The following MRPS24 variants were observed in gnomAD, a reference collection of about 807,000 sequenced individuals.
MRPS24 encodes the protein small ribosomal subunit protein uS3m.
MRPS24 carries 15 observed loss-of-function variants against 21.8 expected under a neutral mutation model. The observed-to-expected ratio is 0.69, with a 90% CI of 0.46 to 1.06. The LOEUF is 1.06. MRPS24 is among the 50% of genes least tolerant of loss of function. The probability of loss-of-function intolerance (pLI) is 0.00; values close to 1 mark genes in which losing one functional copy is unlikely to be tolerated. For missense variants in MRPS24, 224 were observed against 219.1 expected, an observed-to-expected ratio of 1.02 and a Z score of -0.14; for synonymous variants, 93 against 93.7, an observed-to-expected ratio of 0.99 and a Z score of 0.04.
intron 3 of MRPS24, chr7:43,867,624 G>A (rs2095837482): frequency 6.8e-6 from 1 of 146,864 alleles, no homozygotes; most frequent in African/African-American, 2.6e-5. Context: ...CCGCCTCTTG[G>A]GTTCAAACAA....
At chr7:43,868,388 A>C (rs1563571777) in intron 3 of MRPS24, 2 of 152,242 alleles carry the variant, frequency 1.3e-5, no homozygotes, top group Admixed American at 6.5e-5. Flanking sequence ...CGGGACATGC[A>C]CCTGGGGTGG....
chr7:43,866,803 A>C lies in MRPS24; in HGVS notation c.400T>G (p.Phe134Val). 1 of 1,614,258 alleles carries C rather than the reference A, an allele frequency of 6.2e-7. No individual in the cohort carries two copies. The highest frequency in any genetic ancestry group is 8.5e-7 in the Non-Finnish European group (1 of 1,180,050). ...AAAGTTTCACTGTAGCCCACGAGGA[A>C]GTAGTACTTGTGTGGAGACAACTGC... ...LRQLSPHKYY[F>V]LVGYSETLLS... Residue 134 changes from phenylalanine (F) to valine (V), a missense_variant, in exon 4 of 4, where the codon TTC (phenylalanine) becomes GTC (valine). By Grantham distance (50) the Phe-to-Val change is conservative. Coordinates refer to ENST00000317534, the MANE Select transcript of MRPS24 (RefSeq NM_032014.3).
chr7:43,866,571 C>G lies in MRPS24; in HGVS notation c.*128G>C. 1 of 1,066,748 alleles carries G rather than the reference C, an allele frequency of 9.4e-7. No individual in the cohort carries two copies. The highest frequency in any genetic ancestry group is 1.4e-6 in the Non-Finnish European group (1 of 736,700). 66.1% of individuals were successfully genotyped at this position (1,066,748 alleles called of 1,614,324 possible). On this transcript the variant is annotated 3_prime_UTR_variant, in exon 4 of 4. Transcript: ENST00000317534. ...AGAGAGGCAAGACAAGATAGAAGGTCTTTATTCAATAGCAGATGAGAGACT... is the reference window on the plus strand; with the variant it reads ...AGAGAGGCAAGACAAGATAGAAGGTGTTTATTCAATAGCAGATGAGAGACT...
At chr7:43,868,835 G>A in intron 3 of MRPS24, 128 bp downstream of exon 3, 1 of 1,176,738 alleles carries the variant, frequency 8.5e-7, no homozygotes, top group Non-Finnish European at 1.2e-6. Context: ...TGTCTCCCTT[G>A]AGTTGGTTTC....
At position 43,869,042 on chromosome 7, in the gene MRPS24, C is replaced by T. The variant is rs752160153; in HGVS notation, c.141G>A (p.Gly47=). 4.3e-6 allele frequency: 7 copies of T among 1,613,704 alleles called. No individual in the cohort carries two copies. In the South Asian group the frequency reaches 6.6e-5, roughly 15 times the overall value. ...CCTCCTCGTAGGTCACCGGCTTGTC[C>T]CCCTTGCTTACGCGTACTCGGGCCG... ...NRAARVRVSK[G]DKPVTYEEAH... is the part of the protein sequence containing the mutation. Residue 47 remains glycine (G), a synonymous_variant, in exon 3 of 4, where the codon GGG becomes GGA. Coordinates refer to ENST00000317534, the MANE Select transcript of MRPS24 (RefSeq NM_032014.3). This position sits in a 1 kb window ranked among gnomAD's most constrained non-coding sequence, Gnocchi z 4.8.
chr7:43,866,728 GCA>G lies in MRPS24; in HGVS notation c.473_474del (p.Val158AlafsTer7). The stretch of plus-strand genomic sequence containing the variant: ...AGGTACTTATACACAACCTTTGAGG[GCA>G]CAGTTTGGAGGTGGAGTCGCACAGG... The part of the protein sequence containing the change: ...KCPVRLHLQT[V>X]PSKVVYKYL On this transcript the variant is annotated frameshift_variant, in exon 4 of 4. Transcript: ENST00000317534. LOFTEE classifies it high-confidence loss of function. 6.2e-7 allele frequency: 1 copy of G among 1,614,198 alleles called. No homozygotes were observed. The highest frequency in any genetic ancestry group is 2.2e-5 in the East Asian group (1 of 44,884).
chr7:43,868,762 A>C (rs902312385), intron 3 of MRPS24: 1 of 582,132 alleles, frequency 1.7e-6, no homozygotes, highest in African/African-American at 1.9e-5. Flanking sequence ...GGAAAAAGTC[A>C]GTTTTGCATC....
chr7:43,868,733 T>C (rs112483927), intron 3 of MRPS24: 17 of 503,126 alleles, frequency 3.4e-5, no homozygotes, highest in Admixed American at 1.5e-4. Context: ...GGAGGATCAA[T>C]TGAGTCCCTG....
At chr7:43,868,897 C>T in intron 3 of MRPS24, 66 bp downstream of exon 3, 1 of 1,564,254 alleles carries the variant, frequency 6.4e-7, no homozygotes, top group Non-Finnish European at 8.7e-7. Context: ...ACCTGTGACA[C>T]GTGTTCATTT....
chr7:43,869,088 G>A lies in MRPS24; in HGVS notation c.109-14C>T, dbSNP rs1257361355. ...GGCCGCCCGGTTCTAGGAGCAAAAG[G>A]GGCCGTGACTCCACGAGATCCCCGA... On this transcript the variant is annotated splice_polypyrimidine_tract_variant and intron_variant, in intron 2 of 3. Coordinates refer to ENST00000317534, the MANE Select transcript of MRPS24 (RefSeq NM_032014.3). The surrounding 1 kb of genome is among the most constrained non-coding windows in gnomAD (Gnocchi z 4.8). 1.2e-6 allele frequency: 2 copies of A among 1,608,942 alleles called. No individual in the cohort carries two copies. The highest frequency in any genetic ancestry group is 1.7e-6 in the Non-Finnish European group (2 of 1,179,350).
rs73693907 is a variant in MRPS24 at position 43,868,795 on chromosome 7, T to C, written c.220+168A>G. On this transcript the variant is annotated intron_variant, in intron 3 of 3. Coordinates refer to ENST00000317534, the MANE Select transcript of MRPS24 (RefSeq NM_032014.3). ...ATCCATCTTCAAATTTGTTTCAACA[T>C]CCTGATCTATATATATCTCTGCTTT... 10,926 of 859,646 alleles carry C rather than the reference T, an allele frequency of 0.013. 892 individuals are homozygous for C. In the African/African-American group the frequency reaches 0.17, roughly 13 times the overall value. 53.3% of individuals were successfully genotyped at this position (859,646 alleles called of 1,614,324 possible).
At chr7:43,867,306 TAAA>T (rs1240661096) in intron 3 of MRPS24, among the ~76,000 whole-genome samples, 1 of 152,106 alleles carries the variant, frequency 6.6e-6, no homozygotes, top group Non-Finnish European at 1.5e-5. Flanking sequence ...GGCTGCCTTA[TAAA>T]AACACTGGTC....
In MRPS24 at chr7:43,869,052, A is replaced by C; in HGVS notation, c.131T>G (p.Val44Gly). The change falls in exon 3 of 4, where the codon GTA becomes GGA. Residue 44 changes from valine to glycine, a missense_variant. Physicochemically the swap from Val to Gly is moderately radical, Grantham distance 109. Transcript: ENST00000317534. This position sits in a 1 kb window ranked among gnomAD's most constrained non-coding sequence, Gnocchi z 4.8. ...GGTCACCGGCTTGTCCCCCTTGCTT[A>C]CGCGTACTCGGGCCGCCCGGTTCTA... ...CAKNRAARVR[V>G]SKGDKPVTYE... The C allele has an allele frequency of 6.2e-7, 1 of 1,613,126 alleles. No homozygotes were observed. Among genetic ancestry groups the C allele is most frequent in the Non-Finnish European group, 8.5e-7 (1 of 1,179,948 alleles).
At position 43,869,109 on chromosome 7, in the gene MRPS24, C is replaced by T; in HGVS notation, c.109-35G>A. 6.3e-7 allele frequency: 1 copy of T among 1,599,216 alleles called. No individual in the cohort carries two copies. The highest frequency in any genetic ancestry group is 8.5e-7 in the Non-Finnish European group (1 of 1,176,426). ...AAAGGGGCCGTGACTCCACGAGATC[C>T]CCGATCCAGACCCCTACTTCGCGCC... is the stretch of plus-strand genomic sequence containing the variant. On this transcript the variant is annotated intron_variant, in intron 2 of 3. Coordinates refer to ENST00000317534, the MANE Select transcript of MRPS24 (RefSeq NM_032014.3). This position sits in a 1 kb window ranked among gnomAD's most constrained non-coding sequence, Gnocchi z 4.8.
chr7:43,869,487 G>A lies in MRPS24; in HGVS notation c.9C>T (p.Ala3=), dbSNP rs533438697. 2.5e-6 allele frequency: 4 copies of A among 1,569,560 alleles called. No individual in the cohort carries two copies. Among genetic ancestry groups the A allele is most frequent in the Non-Finnish European group, 3.5e-6 (4 of 1,159,068 alleles). The change falls in exon 1 of 4, where the codon GCC becomes GCT. Residue 3 remains alanine (A), a synonymous_variant. Coordinates refer to ENST00000317534, the MANE Select transcript of MRPS24 (RefSeq NM_032014.3). This position sits in a 1 kb window ranked among gnomAD's most constrained non-coding sequence, Gnocchi z 4.8. The part of the protein sequence containing the change: MA[A]SVCSGLLGPR... ...GCCCCAGCAACCCGCTGCACACGGA[G>A]GCCGCCATCTTGGGCCAAGCGGAGC...
chr7:43,867,008 G>A (rs753351467), intron 3 of MRPS24, 26 bp from the exon 4 acceptor site: 2 of 1,608,108 alleles, frequency 1.2e-6, no homozygotes, highest in East Asian at 2.2e-5. Flanking sequence ...CATAATAGAA[G>A]AATCAGCCTC....
rs1272581792 is a variant in MRPS24 at position 43,866,570 on chromosome 7, T to A, written c.*129A>T. 9.6e-7 allele frequency: 1 copy of A among 1,038,450 alleles called. No homozygotes were observed. Among genetic ancestry groups the A allele is most frequent in the Non-Finnish European group, 1.4e-6 (1 of 712,012 alleles). The allele number at this position is 1,038,450 out of a possible 1,614,324, so 64.3% of individuals were successfully genotyped here. On this transcript the variant is annotated 3_prime_UTR_variant, in exon 4 of 4. Transcript: ENST00000317534. ...CAGAGAGGCAAGACAAGATAGAAGG[T>A]CTTTATTCAATAGCAGATGAGAGAC...
rs564112142 is a variant in MRPS24, at chr7:43,869,257, C to G, written c.108+51G>C. On this transcript the variant is annotated intron_variant, in intron 2 of 3. Transcript: ENST00000317534. This position sits in a 1 kb window ranked among gnomAD's most constrained non-coding sequence, Gnocchi z 4.8. ...TTCAGCCCGCACGGCTTCCCCGGCC[C>G]CCGGCCCCCCGGCCCCCAGGCCCCC... is the stretch of plus-strand genomic sequence containing the variant. The G allele has an allele frequency of 1.3e-4, 184 of 1,442,164 alleles. No individual in the cohort carries two copies. In the East Asian group the frequency reaches 4.1e-3, roughly 32 times the overall value. 89.3% of individuals were successfully genotyped at this position (1,442,164 alleles called of 1,614,324 possible). A position where few individuals can be genotyped will look rare whatever the true frequency, so the allele number is the denominator to read the frequency against.
Position 43,869,242 on chromosome 7 carries a change from A to G in MRPS24, c.108+66T>C, listed in dbSNP as rs1411268309. ...CAGCGACACGCCCCCTTCAGCCCGC[A>G]CGGCTTCCCCGGCCCCCGGCCCCCC... On this transcript the variant is annotated intron_variant, in intron 2 of 3. Transcript: ENST00000317534. The surrounding 1 kb of genome is among the most constrained non-coding windows in gnomAD (Gnocchi z 4.8). 1 of 1,480,034 alleles carries G rather than the reference A, an allele frequency of 6.8e-7. No homozygotes were observed. The allele number at this position is 1,480,034 out of a possible 1,614,324, so 91.7% of individuals were successfully genotyped here.
Sources: gnomAD v4.1 joint callset for allele counts (sites outside exome capture counted in the v4.1 genomes callset) on GRCh38, gnomAD v4.1.1 for gene constraint, Gnocchi (gnomAD v3.1) non-coding constraint, MANE v1.5 for transcripts, NCBI Gene and HGNC (gene_info 2026-07-23, HGNC 2026-07-21) for gene names.